P4HA1: variants seen among roughly 807,000 people sequenced by gnomAD.
P4HA1 encodes prolyl 4-hydroxylase subunit alpha 1, also known as prolyl 4-hydroxylase subunit alpha-1.
P4HA1 carries 24 observed loss-of-function variants against 72.8 expected under a neutral mutation model. The observed-to-expected ratio is 0.33, with a 90% CI of 0.24 to 0.46. P4HA1 has a LOEUF of 0.46. Ranked by LOEUF, P4HA1 falls within the 20% of genes least tolerant of loss-of-function variation. P4HA1 has a pLI of 1.00. For missense variants in P4HA1, 446 were observed against 640.6 expected (o/e 0.70, Z 3.28); for synonymous variants, 201 against 218.8 (o/e 0.92, Z 0.72).
chr10:73,052,900 A>C (rs1483910575), intron 6 of P4HA1, among the ~76,000 whole-genome samples: 2 of 152,148 alleles, frequency 1.3e-5, no homozygotes, highest in African/African-American at 2.4e-5. Flanking sequence ...GAAACACTAC[A>C]TCTCTGTTCA....
intron 12 of P4HA1, among the ~76,000 whole-genome samples, chr10:73,011,867 C>T (rs1008315337): frequency 6.6e-6 from 1 of 151,908 alleles, no homozygotes; most frequent in Non-Finnish European, 1.5e-5. Flanking sequence ...GTATGAGATA[C>T]AGTTTAAATC....
intron 5 of P4HA1, among the ~76,000 whole-genome samples, chr10:73,068,007 CA>C (rs1456086958): frequency 8.5e-5 from 13 of 152,098 alleles, no homozygotes; most frequent in Non-Finnish European, 1.5e-4. Flanking sequence ...ATAATCTTAT[CA>C]AAAGCGTTAT....
chr10:73,009,731 T>C, intron 14 of P4HA1, 76 bp downstream of exon 14: 2 of 835,272 alleles, frequency 2.4e-6, no homozygotes, highest in East Asian at 5.0e-5. Context: ...GGGCTTTTGT[T>C]TTTAAGACAC....
intron 10 of P4HA1, among the ~76,000 whole-genome samples, chr10:73,026,154 C>A (rs1840262035): frequency 6.6e-6 from 1 of 152,164 alleles, no homozygotes; most frequent in Non-Finnish European, 1.5e-5. Flanking sequence ...CCAAGACAAT[C>A]CTAAGCCAAA....
At chr10:73,061,625 C>T (rs1392583015) in intron 5 of P4HA1, among the ~76,000 whole-genome samples, 4 of 151,916 alleles carry the variant, frequency 2.6e-5, no homozygotes, top group East Asian at 1.9e-4. Flanking sequence ...ACCAGCTGGG[C>T]GCAGGTGACT....
intron 10 of P4HA1, among the ~76,000 whole-genome samples, chr10:73,023,324 A>G (rs11000491): frequency 0.11 from 16,216 of 152,152 alleles, 1,249 homozygotes; most frequent in East Asian, 0.29. Context: ...AAGCAAGAAG[A>G]GAGTGGGGGC....
At position 73,053,432 on chromosome 10, in the gene P4HA1, G is replaced by C. The variant is rs200447386; in HGVS notation, c.622C>G (p.Leu208Val). The C allele has an allele frequency of 8.1e-6, 13 of 1,613,894 alleles. No homozygotes were observed. The highest frequency in any genetic ancestry group is 4.0e-5 in the African/African-American group (3 of 74,918). The change falls in exon 6 of 15, where the codon CTA becomes GTA. Residue 208 changes from leucine (L) to valine (V), a missense_variant. By Grantham distance (32) the Leu-to-Val change is conservative (BLOSUM62 1). Transcript: ENST00000394890. ...EISTIDKVSV[L>V]DYLSYAVYQQ... ...TATACCGCATAGCTCAAATAATCTA[G>C]AACAGAGACTTTATCTATGGTAGAA... is the stretch of plus-strand genomic sequence containing the variant.
intron 5 of P4HA1, among the ~76,000 whole-genome samples, chr10:73,057,911 G>T (rs941777392): frequency 6.6e-6 from 1 of 151,752 alleles, no homozygotes; most frequent in Non-Finnish European, 1.5e-5. Context: ...GCAACATGGC[G>T]AAAGGCCGTC....
intron 9 of P4HA1, among the ~76,000 whole-genome samples, chr10:73,037,803 A>G (rs1277758652): frequency 2.6e-5 from 4 of 150,948 alleles, no homozygotes; most frequent in African/African-American, 2.4e-5. Context: ...AGTTCAACCC[A>G]TTACAGAGCA....
chr10:73,024,046 C>G (rs1302085982), intron 10 of P4HA1, among the ~76,000 whole-genome samples: 7 of 152,140 alleles, frequency 4.6e-5, no homozygotes, highest in South Asian at 4.1e-4. Context: ...TAATGAGAGA[C>G]TTTAACACTC....
intron 10 of P4HA1, among the ~76,000 whole-genome samples, chr10:73,021,093 C>A (rs1488867358): frequency 6.6e-6 from 1 of 152,122 alleles, no homozygotes; most frequent in African/African-American, 2.4e-5. Context: ...CAAGATCACA[C>A]CACTGCACTC....
chr10:73,013,425 T>C (rs1261724778), intron 12 of P4HA1, among the ~76,000 whole-genome samples: 1 of 152,236 alleles, frequency 6.6e-6, no homozygotes, highest in East Asian at 1.9e-4. Context: ...TGGCCAGACT[T>C]TAGGCATTCT....
chr10:73,077,930 A>G (rs1194455949), intron 1 of P4HA1, among the ~76,000 whole-genome samples: 1 of 151,488 alleles, frequency 6.6e-6, no homozygotes, highest in Admixed American at 6.6e-5. Context: ...TTGAGGCTAC[A>G]GTGAGCCATG....
At chr10:73,091,599 G>C (rs1842033511) in intron 1 of P4HA1, among the ~76,000 whole-genome samples, 1 of 152,216 alleles carries the variant, frequency 6.6e-6, no homozygotes, top group Non-Finnish European at 1.5e-5. Context: ...TATTGTTGCA[G>C]ACACATGTAA....
chr10:73,007,527 T>C lies in P4HA1; in HGVS notation c.*695A>G, dbSNP rs137933947. On this transcript the variant is annotated 3_prime_UTR_variant, in exon 15 of 15. Transcript: ENST00000394890. ...AAAAGGGATAAAAAAACAGGCTAAG[T>C]GGTGAGCATTTTAGTTAAGAAGGCC... 6 of 150,920 alleles carry C rather than the reference T, an allele frequency of 4.0e-5. No homozygotes were observed. The East Asian group carries it at 1.2e-3, about 29-fold the overall frequency. The allele number at this position is 150,920 out of a possible 1,614,324, so 9.3% of individuals were successfully genotyped here.
intron 5 of P4HA1, among the ~76,000 whole-genome samples, chr10:73,054,598 T>C (rs530224219): frequency 2.0e-4 from 31 of 152,352 alleles, no homozygotes; most frequent in African/African-American, 7.2e-4. Flanking sequence ...CATGTTTTCA[T>C]TTCTTGAGTA....
intron 1 of P4HA1, 41 bp from the exon 2 acceptor site, chr10:73,074,956 T>C: frequency 1.4e-6 from 1 of 718,906 alleles, no homozygotes; most frequent in Non-Finnish European, 2.4e-6. Context: ...ACTTAAAAAA[T>C]ACAAAGAGAA....
chr10:73,083,137 G>A (rs1428719659), intron 1 of P4HA1, among the ~76,000 whole-genome samples: 1 of 152,154 alleles, frequency 6.6e-6, no homozygotes, highest in African/African-American at 2.4e-5. Context: ...ACAAGTAAGA[G>A]TAATTACTAA....
At chr10:73,036,401 C>T (rs772737672) in intron 9 of P4HA1, among the ~76,000 whole-genome samples, 11 of 151,778 alleles carry the variant, frequency 7.2e-5, no homozygotes, top group African/African-American at 1.2e-4. Context: ...TATAGTAACA[C>T]TCCCTTTTTT....
Sources: gnomAD v4.1 joint callset for allele counts (sites outside exome capture counted in the v4.1 genomes callset) on GRCh38, gnomAD v4.1.1 for gene constraint, MANE v1.5 for transcripts, NCBI Gene and HGNC (gene_info 2026-07-23, HGNC 2026-07-21) for gene names.